The following FHOD3 variants were observed in gnomAD, a reference collection of about 807,000 sequenced individuals.
FHOD3 encodes the protein FH1/FH2 domain-containing protein 3.
In FHOD3, 90 loss-of-function variants were observed where a neutral mutation model predicts 173.0. The observed-to-expected ratio is 0.52, with a 90% confidence interval of 0.44 to 0.62. The LOEUF is 0.62. FHOD3 is among the 20% of genes least tolerant of loss of function. FHOD3 has a pLI of 0.00. For missense variants in FHOD3, 1,945 were observed against 2,034.7 expected (o/e 0.96, Z 0.85); for synonymous variants, 828 against 823.0 (o/e 1.01, Z -0.10).
rs1218916079 is a variant in FHOD3, at chr18:36,386,657, A to G, written c.337+13913A>G. On this transcript the variant is annotated intron_variant, in intron 3 of 28. Transcript: ENST00000590592. ...CAAATTGCCTGGAACAGCCCATGCC[A>G]GGCTCCTGGAGGGCAGCACTGCTGT... is the stretch of plus-strand genomic sequence containing the variant. 2.6e-5 allele frequency among the ~76,000 whole-genome samples: 4 copies of G among 152,284 alleles called. No individual in the cohort carries two copies. In the East Asian group the frequency reaches 7.7e-4, roughly 29 times the overall value.
intron 1 of FHOD3, among the ~76,000 whole-genome samples, chr18:36,328,982 C>T (rs140936034): frequency 6.7e-4 from 102 of 152,290 alleles, no homozygotes; most frequent in African/African-American, 2.3e-3. Context: ...GGGGAGTGAG[C>T]AAGGCATAGA....
intron 5 of FHOD3, among the ~76,000 whole-genome samples, chr18:36,517,210 C>A (rs766271436): frequency 6.6e-6 from 1 of 152,040 alleles, no homozygotes; most frequent in Non-Finnish European, 1.5e-5. Flanking sequence ...TTGGGATAGC[C>A]AGTATTTAAT....
chr18:36,604,160 G>A (rs1440083264), intron 8 of FHOD3, among the ~76,000 whole-genome samples: 2 of 152,150 alleles, frequency 1.3e-5, no homozygotes, highest in East Asian at 3.9e-4. Context: ...GGATCGACAT[G>A]CCTTAGAGCA....
At chr18:36,576,095 A>T (rs1242438538) in intron 5 of FHOD3, among the ~76,000 whole-genome samples, 1 of 152,174 alleles carries the variant, frequency 6.6e-6, no homozygotes, top group East Asian at 1.9e-4. Context: ...CCCCAGTGGG[A>T]GGCCACAACC....
intron 10 of FHOD3, among the ~76,000 whole-genome samples, chr18:36,633,808 G>A (rs994176525): frequency 2.6e-5 from 4 of 152,206 alleles, no homozygotes; most frequent in Non-Finnish European, 5.9e-5. Flanking sequence ...GGTAATCTTA[G>A]TGAGCTGTAT....
At chr18:36,597,806 GAA>G (rs34629227) in intron 7 of FHOD3, among the ~76,000 whole-genome samples, 13 of 123,412 alleles carry the variant, frequency 1.1e-4, no homozygotes, top group South Asian at 2.6e-4. Flanking sequence ...ACTAGCAGCT[GAA>G]AAAAAAAAAA....
intron 2 of FHOD3, among the ~76,000 whole-genome samples, chr18:36,360,943 A>G (rs542632854): frequency 6.6e-6 from 1 of 152,256 alleles, no homozygotes; most frequent in Non-Finnish European, 1.5e-5. Flanking sequence ...GATTTTGAAC[A>G]TAAGTCTAAA....
At chr18:36,617,432 C>T (rs1302703487) in intron 9 of FHOD3, among the ~76,000 whole-genome samples, 1 of 152,102 alleles carries the variant, frequency 6.6e-6, no homozygotes, top group Admixed American at 6.6e-5. Flanking sequence ...GAGACCTGTT[C>T]CATGTTGATA....
chr18:36,549,521 A>C (rs933030358), intron 5 of FHOD3, among the ~76,000 whole-genome samples: 1 of 142,580 alleles, frequency 7.0e-6, no homozygotes, highest in East Asian at 2.0e-4. Flanking sequence ...TTAGTGTCAG[A>C]TCTAAGAAAT....
At chr18:36,714,994 C>T (rs781243350) in intron 18 of FHOD3, among the ~76,000 whole-genome samples, 4 of 152,242 alleles carry the variant, frequency 2.6e-5, no homozygotes, top group Middle Eastern at 3.4e-3. Flanking sequence ...GATGTTCCTT[C>T]GGCTGAATGA....
intron 17 of FHOD3, among the ~76,000 whole-genome samples, chr18:36,695,383 G>A (rs1302954209): frequency 6.6e-6 from 1 of 151,780 alleles, no homozygotes; most frequent in Admixed American, 6.6e-5. Context: ...ATTTGCAAGT[G>A]TTATTTTCTC....
chr18:36,618,462 G>A (rs537077186), intron 9 of FHOD3, among the ~76,000 whole-genome samples: 67 of 151,846 alleles, frequency 4.4e-4, no homozygotes, highest in African/African-American at 1.5e-3. Context: ...ACAGGTGTGC[G>A]CCACCATGCC....
chr18:36,465,099 G>C (rs2052831406), intron 3 of FHOD3, among the ~76,000 whole-genome samples: 1 of 152,180 alleles, frequency 6.6e-6, no homozygotes, highest in African/African-American at 2.4e-5. Flanking sequence ...AGGCTGAGGA[G>C]GGCGGATCAC....
chr18:36,373,525 A>G lies in FHOD3; in HGVS notation c.337+781A>G, dbSNP rs937075279. Among the ~76,000 whole-genome samples the G allele has an allele frequency of 7.9e-5, 12 of 152,160 alleles. No individual in the cohort carries two copies. The East Asian group carries it at 1.5e-3, about 20-fold the overall frequency. Reference sequence around the variant, plus strand: ...CTGCTTCCCTATTGGAGACCCAGGGATGGGGAGACCCAGGGCTGGAGATGG... The same window carrying G: ...CTGCTTCCCTATTGGAGACCCAGGGGTGGGGAGACCCAGGGCTGGAGATGG... On this transcript the variant is annotated intron_variant, in intron 3 of 28. Transcript: ENST00000590592.
chr18:36,652,539 T>C, intron 11 of FHOD3, 31 bp from the exon 12 acceptor site: 1 of 1,498,390 alleles, frequency 6.7e-7, no homozygotes, highest in Non-Finnish European at 8.9e-7. Flanking sequence ...TCTTTTTTTC[T>C]TCTTCCTCCT....
chr18:36,717,859 C>G lies in FHOD3; in HGVS notation c.2561C>G (p.Ala854Gly). The change falls in exon 19 of 29, where the codon GCA becomes GGA. Residue 854 changes from alanine (A) to glycine (G), a missense_variant. Ala to Gly is a moderately conservative substitution (Grantham distance 60). Transcript: ENST00000590592. Reference protein sequence around the residue: ...TGLWPAGVQDAGVNGQCGDIL... With the variant: ...TGLWPAGVQDGGVNGQCGDIL... ...TTGTGGCCCGCAGGTGTCCAGGATG[C>G]AGGTGTAAATGGACAGTGTGGCGAC... 1.3e-6 allele frequency: 2 copies of G among 1,587,508 alleles called. No individual in the cohort carries two copies. Among genetic ancestry groups the G allele is most frequent in the Non-Finnish European group, 1.7e-6 (2 of 1,166,098 alleles).
At chr18:36,526,451 A>T (rs1270714319) in intron 5 of FHOD3, among the ~76,000 whole-genome samples, 2 of 151,588 alleles carry the variant, frequency 1.3e-5, no homozygotes, top group Non-Finnish European at 2.9e-5. Context: ...TTTGAGACTG[A>T]ATCTTGCTCT....
Position 36,438,510 on chromosome 18 carries a change from C to G in FHOD3, c.338-63422C>G, listed in dbSNP as rs535318831. ...TTCTGCCCAGATCCCTGGCCCTCCC[C>G]TCCTGCCTGTACTTCTGTCAGTCCA... On this transcript the variant is annotated intron_variant, in intron 3 of 28. Coordinates refer to ENST00000590592, the MANE Select transcript of FHOD3 (RefSeq NM_001281740.3). Among the ~76,000 whole-genome samples the G allele has an allele frequency of 1.7e-4, 26 of 152,316 alleles. No homozygotes were observed. The East Asian group carries it at 4.8e-3, about 28-fold the overall frequency.
chr18:36,473,477 T>C (rs1401527499), intron 3 of FHOD3, among the ~76,000 whole-genome samples: 2 of 152,198 alleles, frequency 1.3e-5, no homozygotes, highest in African/African-American at 4.8e-5. Context: ...TGTCACCCAA[T>C]TCCTGATCCC....
Sources: gnomAD v4.1 joint callset for allele counts (sites outside exome capture counted in the v4.1 genomes callset) on GRCh38, gnomAD v4.1.1 for gene constraint, MANE v1.5 for transcripts, NCBI Gene and HGNC (gene_info 2026-07-23, HGNC 2026-07-21) for gene names.